The following RASGRP1 variants were observed in gnomAD, a reference collection of about 807,000 sequenced individuals.
RASGRP1 encodes the protein RAS guanyl-releasing protein 1.
In RASGRP1, 37 loss-of-function variants were observed where a neutral mutation model predicts 95.1. The ratio of observed to expected loss-of-function variants is 0.39; its 90% CI spans 0.30 to 0.51. RASGRP1 has a LOEUF of 0.51. Ranked by LOEUF, RASGRP1 falls within the 20% of genes least tolerant of loss-of-function variation. The pLI is 0.80. For synonymous variants in RASGRP1, 325 were observed against 353.4 expected, an observed-to-expected ratio of 0.92 and a Z score of 0.90; for missense variants, 711 against 965.4, an observed-to-expected ratio of 0.74 and a Z score of 3.49.
intron 2 of RASGRP1, among the ~76,000 whole-genome samples, chr15:38,531,856 C>T (rs1892454112): frequency 2.0e-5 from 3 of 152,164 alleles, no homozygotes; most frequent in Admixed American, 2.0e-4. Context: ...CTCATTCCCA[C>T]CACCAGCTCT....
intron 5 of RASGRP1, among the ~76,000 whole-genome samples, chr15:38,517,238 C>A (rs1891825304): frequency 6.6e-6 from 1 of 152,130 alleles, no homozygotes; most frequent in South Asian, 2.1e-4. Flanking sequence ...TAATATCCCA[C>A]AGACTAATAA....
chr15:38,494,044 CT>C (rs1350493996), intron 16 of RASGRP1, among the ~76,000 whole-genome samples: 7 of 152,212 alleles, frequency 4.6e-5, no homozygotes, highest in Non-Finnish European at 1.0e-4. Flanking sequence ...TGTGGTTTTT[CT>C]CTGTGAGCCT....
intron 2 of RASGRP1, among the ~76,000 whole-genome samples, chr15:38,532,750 T>C (rs533883200): frequency 7.9e-5 from 12 of 152,302 alleles, no homozygotes; most frequent in East Asian, 1.9e-4. Flanking sequence ...CTAACCAACA[T>C]TGATAATGAA....
At chr15:38,527,947 G>A (rs1892291506) in intron 2 of RASGRP1, among the ~76,000 whole-genome samples, 2 of 152,026 alleles carry the variant, frequency 1.3e-5, no homozygotes, top group East Asian at 3.9e-4. Context: ...GACAGAGCAT[G>A]AGCCCATCTC....
At position 38,489,249 on chromosome 15, in the gene RASGRP1, ATTTTTTTT is replaced by A. The variant is rs561614678; in HGVS notation, c.*1297_*1304del. On this transcript the variant is annotated 3_prime_UTR_variant, in exon 17 of 17. Transcript: ENST00000310803. The stretch of plus-strand genomic sequence containing the variant: ...CCCCAAAAAGGAAAATGATCATATG[ATTTTTTTT>A]TTTTTAAGAGAACTAAAAAGAGGCT... The A allele has an allele frequency of 6.9e-6, 1 of 145,870 alleles. No homozygotes were observed. Among genetic ancestry groups the A allele is most frequent in the Non-Finnish European group, 1.5e-5 (1 of 65,636 alleles). 9.0% of individuals were successfully genotyped at this position (145,870 alleles called of 1,614,324 possible).
At chr15:38,523,435 T>A (rs923493595) in intron 3 of RASGRP1, among the ~76,000 whole-genome samples, 1 of 152,174 alleles carries the variant, frequency 6.6e-6, no homozygotes, top group African/African-American at 2.4e-5. Context: ...AAAGAAAATA[T>A]TTTTACACAG....
intron 16 of RASGRP1, 162 bp downstream of exon 16, chr15:38,494,220 T>A: frequency 1.1e-6 from 1 of 939,312 alleles, no homozygotes; most frequent in South Asian, 1.4e-5. Flanking sequence ...TCCCTCCCTC[T>A]CTTCCTCCCT....
At chr15:38,520,194 GCTATGTGGGCTCTGTGCCCGC>G (rs1207856027) in intron 3 of RASGRP1, among the ~76,000 whole-genome samples, 1 of 152,200 alleles carries the variant, frequency 6.6e-6, no homozygotes, top group Non-Finnish European at 1.5e-5. Context: ...GAGGCATCAG[GCTATGTGGGCTCTGTGCCCGC>G]CCGTAAAGGC....
chr15:38,509,893 G>C (rs1299442877), intron 8 of RASGRP1, among the ~76,000 whole-genome samples: 1 of 152,034 alleles, frequency 6.6e-6, no homozygotes, highest in African/African-American at 2.4e-5. Context: ...TAAAATTGTG[G>C]CCTACGAAGT....
At chr15:38,552,046 A>T (rs1893361089) in intron 2 of RASGRP1, among the ~76,000 whole-genome samples, 1 of 152,242 alleles carries the variant, frequency 6.6e-6, no homozygotes, top group Non-Finnish European at 1.5e-5. Context: ...TTGGTCAGAA[A>T]CGAGGCTGGT....
At chr15:38,532,415 C>T (rs1184635092) in intron 2 of RASGRP1, among the ~76,000 whole-genome samples, 1 of 152,188 alleles carries the variant, frequency 6.6e-6, no homozygotes, top group Non-Finnish European at 1.5e-5. Flanking sequence ...TAAAGACTCA[C>T]TCAACCTGCA....
intron 2 of RASGRP1, among the ~76,000 whole-genome samples, chr15:38,530,430 CA>C: frequency 6.6e-6 from 1 of 152,162 alleles, no homozygotes; most frequent in East Asian, 1.9e-4. Flanking sequence ...GGTAAAAAGT[CA>C]GGGGGCAATA....
intron 2 of RASGRP1, among the ~76,000 whole-genome samples, chr15:38,548,458 C>G (rs903928516): frequency 2.0e-5 from 3 of 152,150 alleles, no homozygotes; most frequent in Non-Finnish European, 4.4e-5. Context: ...CTTATAGTCC[C>G]AGCTACTCAG....
intron 5 of RASGRP1, 93 bp from the exon 6 acceptor site, chr15:38,516,443 C>T: frequency 7.0e-7 from 1 of 1,422,548 alleles, no homozygotes; most frequent in Non-Finnish European, 9.8e-7. Flanking sequence ...CAAGAATATA[C>T]AAAACACCAT....
intron 3 of RASGRP1, among the ~76,000 whole-genome samples, chr15:38,519,582 T>G (rs1878354791): frequency 6.6e-6 from 1 of 152,188 alleles, no homozygotes. Flanking sequence ...ATGGTAATTT[T>G]CTCTCCAGCC....
chr15:38,564,500 T>TC, intron 1 of RASGRP1, 94 bp downstream of exon 1: 1 of 1,038,548 alleles, frequency 9.6e-7, no homozygotes, highest in Non-Finnish European at 1.2e-6. Flanking sequence ...CCCTCCGCCC[T>TC]CAACTTCCCT....
chr15:38,497,457 G>A (rs539801267), intron 15 of RASGRP1, among the ~76,000 whole-genome samples: 1 of 149,628 alleles, frequency 6.7e-6, no homozygotes, highest in African/African-American at 2.5e-5. Flanking sequence ...TGCTCCTACT[G>A]TACATCCTAT....
chr15:38,500,254 ACCT>A, intron 13 of RASGRP1, 115 bp from the exon 14 acceptor site: 1 of 997,720 alleles, frequency 1.0e-6, no homozygotes, highest in Non-Finnish European at 1.5e-6. Flanking sequence ...TGGGAAGGAA[ACCT>A]CATTTATCTC....
chr15:38,525,102 G>A (rs1443499160), intron 3 of RASGRP1, among the ~76,000 whole-genome samples: 1 of 151,880 alleles, frequency 6.6e-6, no homozygotes, highest in Non-Finnish European at 1.5e-5. Context: ...TGAGTAGCTG[G>A]AATTACAGGC....
Sources: allele counts gnomAD v4.1 joint callset (sites outside exome capture counted in the v4.1 genomes callset), GRCh38; gene constraint gnomAD v4.1.1; transcripts MANE v1.5; gene names NCBI Gene and HGNC (gene_info 2026-07-23, HGNC 2026-07-21).